The following RFTN1 variants were observed in gnomAD, a reference collection of about 807,000 sequenced individuals.
The protein encoded by RFTN1 is raftlin.
In RFTN1, 26 loss-of-function variants were observed where a neutral mutation model predicts 46.5. The ratio of observed to expected loss-of-function variants is 0.56; its 90% CI spans 0.41 to 0.78. The LOEUF is 0.78. Among genes scored for constraint, RFTN1 ranks in the 30% least tolerant of loss-of-function variants. The pLI, the probability that RFTN1 is intolerant of heterozygous loss-of-function variation, is 0.00. For synonymous variants in RFTN1, 261 were observed against 284.2 expected (o/e 0.92, Z 0.82); for missense variants, 693 against 718.7 (o/e 0.96, Z 0.41).
In RFTN1 at chr3:16,338,163, T is replaced by C. The variant is rs1026283525; in HGVS notation, c.1147-11287A>G. ...TGCGGTTTCTCTAACGTCAGTTACTTGGAAGGCAGAAAGAAGAAAGGGGCT... is the reference window on the plus strand; with the variant it reads ...TGCGGTTTCTCTAACGTCAGTTACTCGGAAGGCAGAAAGAAGAAAGGGGCT... On this transcript the variant is annotated intron_variant, in intron 7 of 9. Coordinates refer to ENST00000334133, the MANE Select transcript of RFTN1 (RefSeq NM_015150.2). This position sits in a 1 kb window ranked among gnomAD's most constrained non-coding sequence, Gnocchi z 5.3. 6.6e-5 allele frequency among the ~76,000 whole-genome samples: 10 copies of C among 152,186 alleles called. 1 individual carries two copies. Among genetic ancestry groups the C allele is most frequent in the Non-Finnish European group, 1.2e-4 (8 of 68,036 alleles).
chr3:16,485,152 A>G (rs183209873), intron 2 of RFTN1, among the ~76,000 whole-genome samples: 1 of 152,070 alleles, frequency 6.6e-6, no homozygotes, highest in East Asian at 1.9e-4. Flanking sequence ...CACACAAAAC[A>G]CTTGTTCGTG....
chr3:16,371,863 G>C (rs1262790258), intron 5 of RFTN1, among the ~76,000 whole-genome samples: 1 of 152,166 alleles, frequency 6.6e-6, no homozygotes, highest in African/African-American at 2.4e-5. Context: ...TATAGAACTG[G>C]CAGTCACTAG....
chr3:16,482,769 C>T (rs947083329), intron 2 of RFTN1: 4 of 1,535,984 alleles, frequency 2.6e-6, no homozygotes, highest in Non-Finnish European at 3.5e-6. Context: ...GTCCACTGCT[C>T]CATCACAATA....
intron 2 of RFTN1, among the ~76,000 whole-genome samples, chr3:16,438,585 C>CAAAAAA (rs61019061): frequency 7.4e-3 from 227 of 30,524 alleles, no homozygotes; most frequent in Non-Finnish European, 9.1e-3. Context: ...AACTCTGTCT[C>CAAAAAA]AAAAAAAAAA....
In RFTN1 at chr3:16,480,281, C is replaced by T. The variant is rs1189596804; in HGVS notation, c.145+13444G>A. Among the ~76,000 whole-genome samples the T allele has an allele frequency of 6.6e-6, 1 of 152,206 alleles. No homozygotes were observed. The highest frequency in any genetic ancestry group is 1.5e-5 in the Non-Finnish European group (1 of 68,046). On this transcript the variant is annotated intron_variant, in intron 2 of 9. Coordinates refer to ENST00000334133, the MANE Select transcript of RFTN1 (RefSeq NM_015150.2). The surrounding 1 kb of genome is among the most constrained non-coding windows in gnomAD (Gnocchi z 4.3). The stretch of plus-strand genomic sequence containing the variant: ...GCCATGTTGTACTCATGCTTACAAA[C>T]TAATTCTGAGCTTACACTAGGGATG...
intron 4 of RFTN1, among the ~76,000 whole-genome samples, chr3:16,389,993 C>A (rs1367972305): frequency 6.6e-6 from 1 of 152,186 alleles, no homozygotes; most frequent in African/African-American, 2.4e-5. Flanking sequence ...TGTCGAGAGG[C>A]CTACAGCCAA....
chr3:16,511,153 G>T (rs1427988485), intron 1 of RFTN1, among the ~76,000 whole-genome samples: 1 of 152,190 alleles, frequency 6.6e-6, no homozygotes, highest in East Asian at 1.9e-4. Context: ...GAGGATGAAG[G>T]CACCTGCTGG....
In RFTN1 at chr3:16,443,630, C is replaced by T. The variant is rs114694223; in HGVS notation, c.146-9593G>A. Among the ~76,000 whole-genome samples the T allele has an allele frequency of 5.2e-3, 795 of 152,190 alleles. 8 individuals are homozygous for T. The highest frequency in any genetic ancestry group is 0.018 in the African/African-American group (764 of 41,510). On this transcript the variant is annotated intron_variant, in intron 2 of 9. Transcript: ENST00000334133. The surrounding 1 kb of genome is among the most constrained non-coding windows in gnomAD (Gnocchi z 5.5). Reference sequence around the variant, plus strand: ...TCAAATGAATTAAGTTGCCGGCCGCCGGACCACAAATGACTGTTAAAGCAT... The same window carrying T: ...TCAAATGAATTAAGTTGCCGGCCGCTGGACCACAAATGACTGTTAAAGCAT...
rs977865763 is a variant in RFTN1, at chr3:16,410,425, G to A, written c.333-942C>T. 6.6e-6 allele frequency among the ~76,000 whole-genome samples: 1 copy of A among 151,908 alleles called. No individual in the cohort carries two copies. Among genetic ancestry groups the A allele is most frequent in the African/African-American group, 2.4e-5 (1 of 41,326 alleles). On this transcript the variant is annotated intron_variant, in intron 3 of 9. Coordinates refer to ENST00000334133, the MANE Select transcript of RFTN1 (RefSeq NM_015150.2). The surrounding 1 kb of genome is among the most constrained non-coding windows in gnomAD (Gnocchi z 4.6). ...ATGGGTGGTGATGGTATGGGTGTGG[G>A]GGTGGTGATCAAAAGTGAATTTAGC...
intron 1 of RFTN1, among the ~76,000 whole-genome samples, chr3:16,501,878 G>A (rs1441377352): frequency 2.6e-5 from 4 of 152,206 alleles, no homozygotes; most frequent in African/African-American, 9.7e-5. Flanking sequence ...CCCGTCGAAA[G>A]TGTTCCTGAT....
At chr3:16,399,595 G>C (rs538489818) in intron 4 of RFTN1, among the ~76,000 whole-genome samples, 11 of 152,248 alleles carry the variant, frequency 7.2e-5, no homozygotes, top group African/African-American at 1.9e-4. Context: ...TTCTCTGAAT[G>C]CTGGAATTCC....
rs2075258735 is a variant in RFTN1, at chr3:16,424,761, A to T, written c.332+9090T>A. 1.3e-5 allele frequency among the ~76,000 whole-genome samples: 2 copies of T among 152,214 alleles called. No homozygotes were observed. Among genetic ancestry groups the T allele is most frequent in the Admixed American group, 6.5e-5 (1 of 15,282 alleles). On this transcript the variant is annotated intron_variant, in intron 3 of 9. Transcript: ENST00000334133. The surrounding 1 kb of genome is among the most constrained non-coding windows in gnomAD (Gnocchi z 4.7). ...TAAAATTTGGACAGATTTTAGAGAC[A>T]ATCATTATATAAAAATCTCATGAAC...
At chr3:16,333,982 G>A (rs541493668) in intron 7 of RFTN1, among the ~76,000 whole-genome samples, 59 of 152,252 alleles carry the variant, frequency 3.9e-4, no homozygotes, top group African/African-American at 1.4e-3. Flanking sequence ...GGGCTAACAC[G>A]GTGAAACCCC....
rs1488019447 is a variant in RFTN1, at chr3:16,345,786, CTCTGTGTG to C, written c.1146+12138_1146+12145del. ...CATGAGCCAAAACCTTATAATAAAT[CTCTGTGTG>C]TGTGTGTGTGTGTGTGTGTGTGTGC... On this transcript the variant is annotated intron_variant, in intron 7 of 9. Transcript: ENST00000334133. This position sits in a 1 kb window ranked among gnomAD's most constrained non-coding sequence, Gnocchi z 5.2. Among the ~76,000 whole-genome samples, 1 of 81,556 alleles carries C rather than the reference CTCTGTGTG, an allele frequency of 1.2e-5. No homozygotes were observed. The highest frequency in any genetic ancestry group is 5.4e-5 in the African/African-American group (1 of 18,508). The allele number at this position is 81,556 out of a possible 152,430, so 53.5% of individuals were successfully genotyped here.
chr3:16,365,228 C>T (rs796694425), intron 6 of RFTN1, among the ~76,000 whole-genome samples: 1 of 146,980 alleles, frequency 6.8e-6, no homozygotes, highest in South Asian at 2.2e-4. Flanking sequence ...TTCATTCTCC[C>T]TCTTTACCAG....
intron 4 of RFTN1, among the ~76,000 whole-genome samples, chr3:16,390,792 A>C (rs754418365): frequency 6.6e-6 from 1 of 152,246 alleles, no homozygotes; most frequent in Non-Finnish European, 1.5e-5. Flanking sequence ...GTCAGAGTAG[A>C]CACTGCATCT....
At chr3:16,355,065 T>TA (rs2072348184) in intron 7 of RFTN1, among the ~76,000 whole-genome samples, 1 of 152,058 alleles carries the variant, frequency 6.6e-6, no homozygotes, top group African/African-American at 2.4e-5. Context: ...CATGACTACT[T>TA]AGATAATTTC....
chr3:16,395,258 T>A (rs2074440934), intron 4 of RFTN1, among the ~76,000 whole-genome samples: 1 of 152,234 alleles, frequency 6.6e-6, no homozygotes, highest in Non-Finnish European at 1.5e-5. Context: ...TATATTGCTC[T>A]GTGCTCTGCC....
chr3:16,383,522 CT>C lies in RFTN1; in HGVS notation c.442-5421del, dbSNP rs1450203916. On this transcript the variant is annotated intron_variant, in intron 4 of 9. Transcript: ENST00000334133. This position sits in a 1 kb window ranked among gnomAD's most constrained non-coding sequence, Gnocchi z 4.0. Reference sequence around the variant, plus strand: ...AGTCACAAGTCATTGTAAAAAAAATCTTTGGTTATATATTTGAGGAATTATT... The same window carrying C: ...AGTCACAAGTCATTGTAAAAAAAATCTTGGTTATATATTTGAGGAATTATT... Among the ~76,000 whole-genome samples, 4 of 152,030 alleles carry C rather than the reference CT, an allele frequency of 2.6e-5. No homozygotes were observed. The highest frequency in any genetic ancestry group is 9.7e-5 in the African/African-American group (4 of 41,370).
Sources: gnomAD v4.1 joint callset for allele counts (sites outside exome capture counted in the v4.1 genomes callset) on GRCh38, gnomAD v4.1.1 for gene constraint, Gnocchi (gnomAD v3.1) non-coding constraint, MANE v1.5 for transcripts, NCBI Gene and HGNC (gene_info 2026-07-23, HGNC 2026-07-21) for gene names.